Variants in CFAP221 observed in about 807,000 individuals in gnomAD.
CFAP221 encodes cilia- and flagella-associated protein 221.
Under a neutral mutation model 113.1 loss-of-function variants are expected in CFAP221, and 97 were observed. The observed-to-expected ratio is 0.86, with a 90% CI of 0.73 to 1.02. CFAP221 has a LOEUF of 1.02. Among genes scored for constraint, CFAP221 ranks in the 50% least tolerant of loss-of-function variants. CFAP221 has a pLI of 0.00. For synonymous variants in CFAP221, 331 were observed against 354.4 expected, an observed-to-expected ratio of 0.93 and a Z score of 0.74; for missense variants, 1,025 against 1,013.4, an observed-to-expected ratio of 1.01 and a Z score of -0.16.
At chr2:119,658,054 C>CT (rs1293387116), downstream of CFAP221, among the ~76,000 whole-genome samples, 2 of 152,144 alleles carry the variant, frequency 1.3e-5, no homozygotes, top group African/African-American at 2.4e-5. Flanking sequence ...TTCTCCTCAG[C>CT]TTTTTTCCCA....
At chr2:119,549,275 C>T in intron 3 of CFAP221, 90 bp downstream of exon 3, 2 of 1,030,770 alleles carry the variant, frequency 1.9e-6, no homozygotes, top group Non-Finnish European at 1.4e-6. Flanking sequence ...TAAAGCACAG[C>T]ATAATCAGCC....
At chr2:119,599,641 C>CCT (rs1323501634) in intron 7 of CFAP221, among the ~76,000 whole-genome samples, 1 of 152,188 alleles carries the variant, frequency 6.6e-6, no homozygotes, top group Non-Finnish European at 1.5e-5. Flanking sequence ...GGATTAGAGC[C>CCT]AAGGCCCTTT....
rs538778271 is a variant in CFAP221 at position 119,609,208 on chromosome 2, T to C, written c.1221+619T>C. Among the ~76,000 whole-genome samples the C allele has an allele frequency of 5.9e-5, 9 of 152,226 alleles. No individual in the cohort carries two copies. The South Asian group carries it at 1.2e-3, about 21-fold the overall frequency. On this transcript the variant is annotated intron_variant, in intron 12 of 23. Transcript: ENST00000413369. ...ACCTACACACAGGTGCAGAGAACAC[T>C]GAGGACAAGTCCACAGTGGCTAAAA...
chr2:119,625,480 C>A, intron 14 of CFAP221, 103 bp from the exon 15 acceptor site: 1 of 943,670 alleles, frequency 1.1e-6, no homozygotes, highest in Non-Finnish European at 1.6e-6. Flanking sequence ...CTTGCAGTGG[C>A]AGTCTCAGCT....
chr2:119,620,926 A>C (rs924495673), intron 14 of CFAP221, among the ~76,000 whole-genome samples: 2 of 152,116 alleles, frequency 1.3e-5, no homozygotes, highest in African/African-American at 2.4e-5. Flanking sequence ...AAGTTAAAAA[A>C]AAAAAAAGCA....
chr2:119,628,907 G>A (rs1407580298), intron 16 of CFAP221, among the ~76,000 whole-genome samples: 1 of 152,206 alleles, frequency 6.6e-6, no homozygotes, highest in Admixed American at 6.5e-5. Flanking sequence ...TCACTGTGCA[G>A]TGGAGCCCCC....
intron 23 of CFAP221, 99 bp downstream of exon 23, chr2:119,652,168 C>A: frequency 1.2e-6 from 1 of 853,724 alleles, no homozygotes; most frequent in Non-Finnish European, 1.8e-6. Flanking sequence ...CTAAATAGCT[C>A]AGTCTTTGAA....
chr2:119,605,160 A>G (rs985655812), intron 10 of CFAP221, 21 bp from the exon 11 acceptor site: 4 of 1,591,428 alleles, frequency 2.5e-6, no homozygotes, highest in Non-Finnish European at 3.4e-6. Flanking sequence ...TGGTATAAAC[A>G]TTGTCTGCTC....
intron 1 of CFAP221, among the ~76,000 whole-genome samples, 164 bp downstream of exon 1, chr2:119,544,674 G>A (rs1679922649): frequency 6.6e-6 from 1 of 152,214 alleles, no homozygotes. Flanking sequence ...AGGATGGTGG[G>A]GGGAGCGGTG....
At chr2:119,622,124 A>G (rs1445871522) in intron 14 of CFAP221, among the ~76,000 whole-genome samples, 1 of 152,192 alleles carries the variant, frequency 6.6e-6, no homozygotes, top group Non-Finnish European at 1.5e-5. Flanking sequence ...TGCCAGCCGG[A>G]CTAATATAGA....
intron 22 of CFAP221, among the ~76,000 whole-genome samples, chr2:119,650,149 C>G (rs559691304): frequency 6.6e-6 from 1 of 152,158 alleles, no homozygotes; most frequent in Non-Finnish European, 1.5e-5. Context: ...TTGTTGATTA[C>G]GGTTTCTATT....
downstream of CFAP221, among the ~76,000 whole-genome samples, chr2:119,659,156 T>C (rs1688540072): frequency 6.6e-6 from 1 of 152,244 alleles, no homozygotes; most frequent in African/African-American, 2.4e-5. Flanking sequence ...TATTACCTTA[T>C]GTGTTGCTTG....
intron 21 of CFAP221, among the ~76,000 whole-genome samples, chr2:119,644,272 A>C (rs1351886587): frequency 2.6e-5 from 4 of 152,184 alleles, no homozygotes; most frequent in Non-Finnish European, 5.9e-5. Flanking sequence ...AACACACACA[A>C]AAAAAGTGAG....
At chr2:119,579,429 C>T (rs1269683971) in intron 6 of CFAP221, among the ~76,000 whole-genome samples, 3 of 152,070 alleles carry the variant, frequency 2.0e-5, no homozygotes, top group Admixed American at 2.0e-4. Context: ...ATATGAAGAA[C>T]TTCTAAATAA....
At chr2:119,562,544 C>T (rs951681984) in intron 6 of CFAP221, among the ~76,000 whole-genome samples, 3 of 152,104 alleles carry the variant, frequency 2.0e-5, no homozygotes, top group African/African-American at 7.2e-5. Flanking sequence ...GGGTTGGGGG[C>T]ATTCAAGCAA....
intron 5 of CFAP221, among the ~76,000 whole-genome samples, chr2:119,560,959 T>A (rs1276245459): frequency 6.6e-6 from 1 of 151,948 alleles, no homozygotes; most frequent in African/African-American, 2.4e-5. Context: ...TCCTTAAGAA[T>A]ATGATAGACC....
At chr2:119,548,301 C>A (rs565458227) in intron 2 of CFAP221, among the ~76,000 whole-genome samples, 1 of 152,162 alleles carries the variant, frequency 6.6e-6, no homozygotes, top group Non-Finnish European at 1.5e-5. Flanking sequence ...AGTTTCTTAA[C>A]CTTGCTAAGT....
chr2:119,625,440 G>A (rs1019468756), intron 14 of CFAP221, 143 bp from the exon 15 acceptor site: 1 of 679,468 alleles, frequency 1.5e-6, no homozygotes. Flanking sequence ...CCTAGGGAGA[G>A]TAGCATGCCA....
chr2:119,658,380 C>T (rs540112574), downstream of CFAP221, among the ~76,000 whole-genome samples: 2 of 152,306 alleles, frequency 1.3e-5, no homozygotes, highest in East Asian at 1.9e-4. Flanking sequence ...TTCCTAAGCA[C>T]ATCTTTACCT....
Sources: allele counts gnomAD v4.1 joint callset (sites outside exome capture counted in the v4.1 genomes callset), GRCh38; gene constraint gnomAD v4.1.1; transcripts MANE v1.5; gene names NCBI Gene and HGNC (gene_info 2026-07-23, HGNC 2026-07-21).